GCNT2: variants seen among roughly 807,000 people sequenced by gnomAD.
GCNT2 encodes the protein N-acetyllactosaminide beta-1,6-N-acetylglucosaminyl-transferase.
In GCNT2, 34 loss-of-function variants were observed where a neutral mutation model predicts 34.2. The observed-to-expected ratio is 1.00, with a 90% CI of 0.76 to 1.32. The LOEUF (loss-of-function observed/expected upper bound fraction) is 1.32. Among genes scored for constraint, GCNT2 ranks in the 40% most tolerant of loss-of-function variants. The pLI is 0.00. For synonymous variants in GCNT2, 212 were observed against 188.0 expected (o/e 1.13, Z -1.04); for missense variants, 584 against 489.4 (o/e 1.19, Z -1.82).
intron 3 of GCNT2, among the ~76,000 whole-genome samples, chr6:10,568,698 T>C (rs185833488): frequency 7.1e-4 from 108 of 152,288 alleles, no homozygotes; most frequent in Non-Finnish European, 1.4e-3. Flanking sequence ...ATCCCCTCAG[T>C]ATTACCTGTG....
intron 3 of GCNT2, among the ~76,000 whole-genome samples, chr6:10,565,708 C>T (rs562802): frequency 0.5 from 76,614 of 151,996 alleles, 22,443 homozygotes; most frequent in African/African-American, 0.83. Context: ...TAAATTCTTC[C>T]TGGTAAATTC....
At chr6:10,544,734 A>G (rs1314431735) in intron 3 of GCNT2, among the ~76,000 whole-genome samples, 1 of 151,944 alleles carries the variant, frequency 6.6e-6, no homozygotes, top group Admixed American at 6.6e-5. Flanking sequence ...ACCTGAGATC[A>G]GGAGTTCGAG....
chr6:10,584,057 C>T (rs563697351), intron 3 of GCNT2, among the ~76,000 whole-genome samples: 204 of 152,158 alleles, frequency 1.3e-3, no homozygotes, highest in African/African-American at 4.5e-3. Flanking sequence ...GGGGGACCGG[C>T]GCTTAGTAAG....
intron 3 of GCNT2, chr6:10,581,887 A>G (rs1009836871): frequency 5.4e-5 from 53 of 984,534 alleles, no homozygotes; most frequent in African/African-American, 3.7e-4. Context: ...GAAGGCATCA[A>G]AATGGGTTAT....
intron 3 of GCNT2, among the ~76,000 whole-genome samples, chr6:10,605,077 T>TG (rs1765249692): frequency 6.6e-6 from 1 of 151,794 alleles, no homozygotes; most frequent in Admixed American, 6.6e-5. Context: ...GCTTAGGAGG[T>TG]GAAGGCTGCA....
rs532122704 is a variant in GCNT2, at chr6:10,592,413, G to A, written c.926-28938G>A. Among the ~76,000 whole-genome samples the A allele has an allele frequency of 6.6e-5, 10 of 152,292 alleles. No homozygotes were observed. The South Asian group carries it at 2.1e-3, about 32-fold the overall frequency. ...TCTTCCCAGGTCAGTAATTCAGGTAGGATCACAGGGGAAGATTTTAATTTA... is the reference window on the plus strand; with the variant it reads ...TCTTCCCAGGTCAGTAATTCAGGTAAGATCACAGGGGAAGATTTTAATTTA... On this transcript the variant is annotated intron_variant, in intron 3 of 4. Transcript: ENST00000495262.
intron 3 of GCNT2, among the ~76,000 whole-genome samples, chr6:10,552,030 A>G (rs1762507652): frequency 6.6e-6 from 1 of 152,200 alleles, no homozygotes; most frequent in Non-Finnish European, 1.5e-5. Flanking sequence ...AAGTGCTGGG[A>G]TTACAGGTGT....
At chr6:10,606,208 G>A (rs544007644) in intron 3 of GCNT2, among the ~76,000 whole-genome samples, 16 of 152,118 alleles carry the variant, frequency 1.1e-4, no homozygotes, top group Non-Finnish European at 1.6e-4. Context: ...CCGACTACTC[G>A]GGAGGCTGAG....
intron 3 of GCNT2, among the ~76,000 whole-genome samples, chr6:10,590,590 T>TGTCG (rs1263634492): frequency 1.3e-5 from 2 of 151,074 alleles, no homozygotes; most frequent in Non-Finnish European, 2.9e-5. Context: ...AGTCTTGCTC[T>TGTCG]GTCGCCAGGC....
intron 4 of GCNT2, 69 bp downstream of exon 4, chr6:10,621,512 C>A: frequency 2.1e-6 from 2 of 966,720 alleles, no homozygotes; most frequent in Non-Finnish European, 3.3e-6. Context: ...CTGTGGAATC[C>A]AGGGTTCTCA....
intron 3 of GCNT2, chr6:10,585,832 A>C: frequency 6.8e-7 from 1 of 1,468,060 alleles, no homozygotes; most frequent in Non-Finnish European, 8.9e-7. Flanking sequence ...ACACCGAAGC[A>C]GAGGATACAG....
At chr6:10,563,756 G>GA (rs55761102) in intron 3 of GCNT2, among the ~76,000 whole-genome samples, 36 of 55,800 alleles carry the variant, frequency 6.5e-4, no homozygotes, top group East Asian at 3.2e-3. Flanking sequence ...AAAGAAAAAA[G>GA]AAAAAAAAAA....
At chr6:10,524,838 CAAAAA>C (rs1233341089) in intron 1 of GCNT2, among the ~76,000 whole-genome samples, 1 of 145,652 alleles carries the variant, frequency 6.9e-6, no homozygotes, top group East Asian at 2.1e-4. Context: ...CCCCACCCCC[CAAAAA>C]AAAGAAAAGG....
At chr6:10,604,867 G>GAA (rs3064184) in intron 3 of GCNT2, among the ~76,000 whole-genome samples, 63,061 of 147,132 alleles carry the variant, frequency 0.43, 15,581 homozygotes, top group East Asian at 0.62. Flanking sequence ...TCAAAAAAAA[G>GAA]AAAAAGAAAA....
At position 10,529,646 on chromosome 6, in the gene GCNT2, TA is replaced by T. The variant is rs764932357; in HGVS notation, c.739del (p.Thr247GlnfsTer4). On this transcript the variant is annotated frameshift_variant, in exon 3 of 5. Coordinates refer to ENST00000495262, the MANE Select transcript of GCNT2 (RefSeq NM_145649.5). LOFTEE classifies it high-confidence loss of function. The part of the protein sequence containing the change: ...LLNHKNSYVI[K>X]TTKLKTPPPH... ...TAAACCACAAAAATTCCTACGTGAT[TA>T]AAACAACAAAATTAAAAACTCCTCC... 2.5e-6 allele frequency: 4 copies of T among 1,613,898 alleles called. No homozygotes were observed. The African/African-American group carries it at 5.3e-5, about 22-fold the overall frequency.
intron 3 of GCNT2, among the ~76,000 whole-genome samples, chr6:10,579,977 G>A (rs1211474332): frequency 6.6e-6 from 1 of 152,150 alleles, no homozygotes; most frequent in Non-Finnish European, 1.5e-5. Flanking sequence ...GAGCCTGCCA[G>A]TTTTGTTTCC....
intron 3 of GCNT2, among the ~76,000 whole-genome samples, chr6:10,544,051 C>A (rs1479046604): frequency 6.6e-6 from 1 of 152,230 alleles, no homozygotes; most frequent in Non-Finnish European, 1.5e-5. Flanking sequence ...TGGTGGCTCA[C>A]GCCTGTAATC....
rs972739198 is a variant in GCNT2 at position 10,628,120 on chromosome 6, G to C, written c.*1513G>C. The stretch of plus-strand genomic sequence containing the variant: ...ATTTCCTGAGGTGGATTTACTGAGA[G>C]AAGGTGAAATAAAGCCATATTTAGT... On this transcript the variant is annotated 3_prime_UTR_variant, in exon 5 of 5. Coordinates refer to ENST00000495262, the MANE Select transcript of GCNT2 (RefSeq NM_145649.5). 3.9e-5 allele frequency: 6 copies of C among 152,614 alleles called. No homozygotes were observed. The highest frequency in any genetic ancestry group is 1.2e-4 in the African/African-American group (5 of 41,438). The allele number at this position is 152,614 out of a possible 1,614,324, so 9.5% of individuals were successfully genotyped here. A position where few individuals can be genotyped will look rare whatever the true frequency, so the allele number is the denominator to read the frequency against.
chr6:10,578,114 G>A (rs570392809), intron 3 of GCNT2, among the ~76,000 whole-genome samples: 1 of 152,196 alleles, frequency 6.6e-6, no homozygotes, highest in South Asian at 2.1e-4. Flanking sequence ...AAACTGGCCA[G>A]GCGCATTGGC....
Sources: allele counts gnomAD v4.1 joint callset (sites outside exome capture counted in the v4.1 genomes callset), GRCh38; gene constraint gnomAD v4.1.1; transcripts MANE v1.5; gene names NCBI Gene and HGNC (gene_info 2026-07-23, HGNC 2026-07-21).